Variants in BRK1 observed in about 807,000 individuals in gnomAD.
BRK1 encodes the protein protein BRICK1.
In BRK1, 6 loss-of-function variants were observed where a neutral mutation model predicts 9.9. The ratio of observed to expected loss-of-function variants is 0.60; its 90% confidence interval spans 0.33 to 1.19. BRK1 has a LOEUF of 1.19. Among genes scored for constraint, BRK1 ranks in the 50% most tolerant of loss-of-function variants. BRK1 has a pLI of 0.04. For synonymous variants in BRK1, 44 were observed against 31.9 expected (o/e 1.38, Z -1.28); for missense variants, 62 against 97.5 (o/e 0.64, Z 1.53).
At chr3:10,124,230 G>A (rs1384477832) in intron 1 of BRK1, among the ~76,000 whole-genome samples, 3 of 151,516 alleles carry the variant, frequency 2.0e-5, no homozygotes, top group Non-Finnish European at 4.4e-5. Flanking sequence ...CAAGGCGGGC[G>A]GATCACGAGG....
chr3:10,118,566 CA>C (rs1695716333), intron 1 of BRK1, among the ~76,000 whole-genome samples: 1 of 152,054 alleles, frequency 6.6e-6, no homozygotes, highest in African/African-American at 2.4e-5. Flanking sequence ...CGGCTCACTG[CA>C]ACCTCCATCT....
chr3:10,126,415 T>C lies in BRK1; in HGVS notation c.*120T>C. 1 of 961,070 alleles carries C rather than the reference T, an allele frequency of 1.0e-6. No individual in the cohort carries two copies. The highest frequency in any genetic ancestry group is 1.6e-6 in the Non-Finnish European group (1 of 639,026). 59.5% of individuals were successfully genotyped at this position (961,070 alleles called of 1,614,324 possible). A position where few individuals can be genotyped will look rare whatever the true frequency, so the allele number is the denominator to read the frequency against. On this transcript the variant is annotated 3_prime_UTR_variant, in exon 3 of 3. Coordinates refer to ENST00000530758, the MANE Select transcript of BRK1 (RefSeq NM_018462.5). ...AGAGCAACAGGGCTTATTCTTGTTTTTCTTTTTTCAAAAGTGTGGCCTTTG... is the reference window on the plus strand; with the variant it reads ...AGAGCAACAGGGCTTATTCTTGTTTCTCTTTTTTCAAAAGTGTGGCCTTTG...
At chr3:10,126,213 G>T in intron 2 of BRK1, 56 bp from the exon 3 acceptor site, 1 of 1,279,692 alleles carries the variant, frequency 7.8e-7, no homozygotes, top group Non-Finnish European at 1.1e-6. Flanking sequence ...TTTTTTTTTA[G>T]ACCCCTCTAA....
intron 2 of BRK1, 67 bp from the exon 3 acceptor site, chr3:10,126,202 A>G (rs1575910044): frequency 1.7e-6 from 2 of 1,190,560 alleles, no homozygotes; most frequent in East Asian, 5.5e-5. Flanking sequence ...GGATCTAAAG[A>G]TTTTTTTTTA....
intron 1 of BRK1, among the ~76,000 whole-genome samples, chr3:10,124,072 C>T (rs1321953674): frequency 6.7e-6 from 1 of 149,576 alleles, no homozygotes; most frequent in Non-Finnish European, 1.5e-5. Context: ...CTTATTCTTG[C>T]CATGTCCCCT....
chr3:10,118,032 G>GA (rs1695709509), intron 1 of BRK1, among the ~76,000 whole-genome samples: 1 of 152,128 alleles, frequency 6.6e-6, no homozygotes, highest in East Asian at 1.9e-4. Flanking sequence ...GAGGCGAGCA[G>GA]ATCACCTGAG....
intron 1 of BRK1, among the ~76,000 whole-genome samples, chr3:10,121,308 T>C (rs1695752578): frequency 6.6e-6 from 1 of 152,184 alleles, no homozygotes; most frequent in Non-Finnish European, 1.5e-5. Flanking sequence ...TTGTATACTT[T>C]AAGCAGGTGA....
At chr3:10,119,605 GA>G (rs1187458841) in intron 1 of BRK1, among the ~76,000 whole-genome samples, 15 of 152,240 alleles carry the variant, frequency 9.9e-5, no homozygotes, top group African/African-American at 3.1e-4. Flanking sequence ...ATGACTTTCT[GA>G]AAAGCATTTA....
rs138815166 is a variant in BRK1 at position 10,124,385 on chromosome 3, G to A, written c.119-1241G>A. Among the ~76,000 whole-genome samples the A allele has an allele frequency of 9.3e-4, 142 of 151,986 alleles. 1 individual carries two copies. In the East Asian group the frequency reaches 0.026, roughly 28 times the overall value. Reference sequence around the variant, plus strand: ...TGAGGCAGGAGAATCGCTTGAACCCGGGAGGCAGAGGTGGCAGTGAGCCAA... The same window carrying A: ...TGAGGCAGGAGAATCGCTTGAACCCAGGAGGCAGAGGTGGCAGTGAGCCAA... On this transcript the variant is annotated intron_variant, in intron 1 of 2. Transcript: ENST00000530758.
chr3:10,117,244 A>C (rs1695697341), intron 1 of BRK1, among the ~76,000 whole-genome samples: 1 of 152,156 alleles, frequency 6.6e-6, no homozygotes, highest in African/African-American at 2.4e-5. Flanking sequence ...TGAAAAGCCT[A>C]AGCTTAGGAT....
intron 1 of BRK1, among the ~76,000 whole-genome samples, chr3:10,119,802 C>T (rs983545553): frequency 1.3e-5 from 2 of 152,008 alleles, no homozygotes; most frequent in Non-Finnish European, 2.9e-5. Flanking sequence ...TTTTCTGGTT[C>T]TAAAGGTAAT....
chr3:10,122,819 A>G (rs1695777049), intron 1 of BRK1, among the ~76,000 whole-genome samples: 1 of 152,228 alleles, frequency 6.6e-6, no homozygotes, highest in African/African-American at 2.4e-5. Context: ...TAGAATTTGA[A>G]CTTAGCCTTG....
intron 1 of BRK1, among the ~76,000 whole-genome samples, chr3:10,122,132 C>T (rs964582829): frequency 1.0e-4 from 15 of 149,554 alleles, no homozygotes; most frequent in African/African-American, 3.2e-4. Context: ...CCATGTTGGT[C>T]AGGTTTGTCT....
At position 10,115,697 on chromosome 3, in the gene BRK1, C is replaced by T. The variant is rs781314992; in HGVS notation, c.-5C>T. 4 of 1,612,334 alleles carry T rather than the reference C, an allele frequency of 2.5e-6. No homozygotes were observed. The highest frequency in any genetic ancestry group is 1.7e-5 in the Admixed American group (1 of 59,980). ...TGCGCAGTCGCTCTTCCTCAGGCGG[C>T]GGCCATGGCGGGACAGGAGGATCCG... On this transcript the variant is annotated 5_prime_UTR_variant, in exon 1 of 3. Coordinates refer to ENST00000530758, the MANE Select transcript of BRK1 (RefSeq NM_018462.5).
rs71626962 is a variant in BRK1, at chr3:10,123,732, CTTTTT to C, written c.119-1877_119-1873del. ...ACAGGCCTGAGCCACCGTGCCTGGC[CTTTTT>C]TTTTTTTTTTTTTTTTGAGATGGAG... is the stretch of plus-strand genomic sequence containing the variant. On this transcript the variant is annotated intron_variant, in intron 1 of 2. Coordinates refer to ENST00000530758, the MANE Select transcript of BRK1 (RefSeq NM_018462.5). 8.0e-4 allele frequency among the ~76,000 whole-genome samples: 39 copies of C among 48,692 alleles called. 3 individuals carry two copies. The highest frequency in any genetic ancestry group is 5.5e-3 in the African/African-American group (37 of 6,696). 31.9% of individuals were successfully genotyped at this position (48,692 alleles called of 152,430 possible). A position where few individuals can be genotyped will look rare whatever the true frequency, so the allele number is the denominator to read the frequency against.
intron 1 of BRK1, among the ~76,000 whole-genome samples, chr3:10,119,095 A>C (rs997918360): frequency 7.0e-6 from 1 of 143,540 alleles, no homozygotes; most frequent in Non-Finnish European, 1.5e-5. Context: ...CAAGCTCTGC[A>C]CTCGCGCCAC....
At chr3:10,122,573 C>T (rs1695772704) in intron 1 of BRK1, among the ~76,000 whole-genome samples, 1 of 151,920 alleles carries the variant, frequency 6.6e-6, no homozygotes, top group African/African-American at 2.4e-5. Flanking sequence ...ATTAGCCAGG[C>T]ACAGTGGCAT....
chr3:10,119,332 C>T (rs1037230772), intron 1 of BRK1, among the ~76,000 whole-genome samples: 5 of 152,010 alleles, frequency 3.3e-5, no homozygotes, highest in African/African-American at 1.2e-4. Flanking sequence ...TGTCTCATGC[C>T]TGTAATTCCA....
Position 10,115,677 on chromosome 3 carries a change from A to T in BRK1, c.-25A>T. The T allele has an allele frequency of 6.3e-7, 1 of 1,584,876 alleles. No homozygotes were observed. Among genetic ancestry groups the T allele is most frequent in the Non-Finnish European group, 8.7e-7 (1 of 1,153,922 alleles). ...GCCTGTAGGGTCGGGGCGCCTGCGC[A>T]GTCGCTCTTCCTCAGGCGGCGGCCA... is the stretch of plus-strand genomic sequence containing the variant. On this transcript the variant is annotated 5_prime_UTR_variant, in exon 1 of 3. Coordinates refer to ENST00000530758, the MANE Select transcript of BRK1 (RefSeq NM_018462.5).
Sources: allele counts gnomAD v4.1 joint callset (sites outside exome capture counted in the v4.1 genomes callset), GRCh38; gene constraint gnomAD v4.1.1; transcripts MANE v1.5; gene names NCBI Gene and HGNC (gene_info 2026-07-23, HGNC 2026-07-21).